TMEM178B: variants seen among roughly 807,000 people sequenced by gnomAD.
TMEM178B encodes transmembrane protein 178B.
Under a neutral mutation model 31.0 loss-of-function variants are expected in TMEM178B, and 5 were observed. That is an observed-to-expected ratio of 0.16 (90% CI 0.08 to 0.34). The LOEUF (loss-of-function observed/expected upper bound fraction) is 0.34. Among genes scored for constraint, TMEM178B ranks in the 10% least tolerant of loss-of-function variants. TMEM178B has a pLI of 1.00. For synonymous variants in TMEM178B, 164 were observed against 164.0 expected, an observed-to-expected ratio of 1.00 and a Z score of 0.00; for missense variants, 275 against 400.3, an observed-to-expected ratio of 0.69 and a Z score of 2.67.
At chr7:141,492,753 C>A in the TMEM178B span, among the ~76,000 whole-genome samples, 1 of 152,206 alleles carries the variant, frequency 6.6e-6, no homozygotes, top group South Asian at 2.1e-4. Flanking sequence ...CTGCTAACCA[C>A]CCCCTCTTCC....
intron 2 of TMEM178B, among the ~76,000 whole-genome samples, chr7:141,363,228 C>T (rs1042177458): frequency 7.9e-5 from 12 of 152,192 alleles, no homozygotes; most frequent in Non-Finnish European, 1.0e-4. Context: ...CTTCGGGATT[C>T]GCCTTTGCTG....
At chr7:141,195,123 G>GGATTA (rs1225482674) in intron 1 of TMEM178B, among the ~76,000 whole-genome samples, 14 of 152,218 alleles carry the variant, frequency 9.2e-5, no homozygotes, top group African/African-American at 3.4e-4. Flanking sequence ...ATGGCCTGGA[G>GGATTA]ACATTTTCCC....
chr7:141,450,062 G>A (rs61302145), intron 3 of TMEM178B, among the ~76,000 whole-genome samples: 13,476 of 152,226 alleles, frequency 0.089, 1,702 homozygotes, highest in African/African-American at 0.28. Context: ...TAATTGGGGA[G>A]TGAGGGTCTA....
intron 1 of TMEM178B, among the ~76,000 whole-genome samples, chr7:141,078,005 T>C (rs1794625058): frequency 6.6e-6 from 1 of 152,198 alleles, no homozygotes; most frequent in South Asian, 2.1e-4. Context: ...ATTTCCTTCT[T>C]GGGGGTAAGA....
At chr7:141,130,282 A>G (rs1238057676) in intron 1 of TMEM178B, among the ~76,000 whole-genome samples, 2 of 152,256 alleles carry the variant, frequency 1.3e-5, no homozygotes, top group African/African-American at 4.8e-5. Flanking sequence ...CAGATTGGAA[A>G]GTAAGTCATC....
intron 2 of TMEM178B, among the ~76,000 whole-genome samples, chr7:141,241,620 A>G (rs1274959478): frequency 6.8e-6 from 1 of 146,442 alleles, no homozygotes; most frequent in Non-Finnish European, 1.5e-5. Context: ...AAAAGAATTT[A>G]TCTGGTTCCT....
At position 141,160,690 on chromosome 7, in the gene TMEM178B, C is replaced by T. The variant is rs531519155; in HGVS notation, c.383-51901C>T. On this transcript the variant is annotated intron_variant, in intron 1 of 3. Transcript: ENST00000565468. ...GGCACATGGGGCATATGTTCTGCACCGTTTTCCTTATGGTGGGTCTGAGTC... is the reference window on the plus strand; with the variant it reads ...GGCACATGGGGCATATGTTCTGCACTGTTTTCCTTATGGTGGGTCTGAGTC... Among the ~76,000 whole-genome samples the T allele has an allele frequency of 5.9e-5, 9 of 152,186 alleles. No homozygotes were observed. In the East Asian group the frequency reaches 7.7e-4, roughly 13 times the overall value.
At chr7:141,186,982 G>A (rs1322065870) in intron 1 of TMEM178B, among the ~76,000 whole-genome samples, 1 of 151,988 alleles carries the variant, frequency 6.6e-6, no homozygotes, top group African/African-American at 2.4e-5. Flanking sequence ...GGGTACATGT[G>A]CACAACGTGC....
intron 1 of TMEM178B, among the ~76,000 whole-genome samples, chr7:141,172,761 A>G (rs1038797267): frequency 2.0e-5 from 3 of 152,216 alleles, no homozygotes; most frequent in Non-Finnish European, 2.9e-5. Flanking sequence ...TAGTACTTCT[A>G]GTCTGCTGTA....
chr7:141,269,849 G>A (rs1403349161), intron 2 of TMEM178B, among the ~76,000 whole-genome samples: 4 of 152,166 alleles, frequency 2.6e-5, no homozygotes, highest in African/African-American at 9.7e-5. Context: ...TGGATCACTC[G>A]AGGCCAGGGG....
At chr7:141,359,304 T>C (rs1457541996) in intron 2 of TMEM178B, among the ~76,000 whole-genome samples, 1 of 152,238 alleles carries the variant, frequency 6.6e-6, no homozygotes, top group African/African-American at 2.4e-5. Flanking sequence ...GTGTCCTCTT[T>C]GTAGTTGAGT....
intron 1 of TMEM178B, among the ~76,000 whole-genome samples, chr7:141,163,774 A>G (rs1244345153): frequency 1.3e-5 from 2 of 152,152 alleles, no homozygotes; most frequent in African/African-American, 4.8e-5. Flanking sequence ...TCAACCTCCC[A>G]AAGTGCTGAG....
At chr7:141,389,633 G>A (rs924500247) in intron 2 of TMEM178B, among the ~76,000 whole-genome samples, 1 of 152,196 alleles carries the variant, frequency 6.6e-6, no homozygotes, top group Non-Finnish European at 1.5e-5. Context: ...TCACGAGGCA[G>A]CACCAAGCTG....
chr7:141,278,733 C>G (rs1245503013), intron 2 of TMEM178B, among the ~76,000 whole-genome samples: 1 of 152,172 alleles, frequency 6.6e-6, no homozygotes, highest in Non-Finnish European at 1.5e-5. Context: ...TATATATGTG[C>G]AACCAGCGCT....
At chr7:141,510,000 GT>G in the TMEM178B span, among the ~76,000 whole-genome samples, 4 of 152,242 alleles carry the variant, frequency 2.6e-5, no homozygotes, top group Non-Finnish European at 4.4e-5. Context: ...CAGAGTGGCA[GT>G]ATCCTGAGTA....
chr7:141,150,602 A>T (rs925252082), intron 1 of TMEM178B, among the ~76,000 whole-genome samples: 1 of 152,100 alleles, frequency 6.6e-6, no homozygotes, highest in Non-Finnish European at 1.5e-5. Flanking sequence ...TTCTTGGCTC[A>T]CCCCTGCTGT....
intron 2 of TMEM178B, among the ~76,000 whole-genome samples, chr7:141,227,730 G>A (rs896484022): frequency 3.3e-5 from 5 of 152,164 alleles, no homozygotes; most frequent in South Asian, 2.1e-4. Context: ...TATGAACTTC[G>A]CAAAATAGGG....
chr7:141,322,302 G>A (rs28463115), intron 2 of TMEM178B, among the ~76,000 whole-genome samples: 20,208 of 151,520 alleles, frequency 0.13, 1,691 homozygotes, highest in Non-Finnish European at 0.19. Flanking sequence ...TGAGGTGGGC[G>A]GACCACTTGA....
chr7:141,452,788 T>C (rs1289520853), intron 3 of TMEM178B, among the ~76,000 whole-genome samples: 2 of 152,260 alleles, frequency 1.3e-5, no homozygotes, highest in Non-Finnish European at 2.9e-5. Flanking sequence ...ATTTCCCTAC[T>C]TTCCACTAAA....
Sources: gnomAD v4.1 joint callset for allele counts (sites outside exome capture counted in the v4.1 genomes callset) on GRCh38, gnomAD v4.1.1 for gene constraint, MANE v1.5 for transcripts, NCBI Gene and HGNC (gene_info 2026-07-23, HGNC 2026-07-21) for gene names.